Variants in COL24A1 observed in about 807,000 individuals in gnomAD.
The protein encoded by COL24A1 is collagen alpha-1(XXIV) chain.
A neutral mutation model predicts 253.9 loss-of-function variants in COL24A1; 224 were observed. The observed-to-expected ratio is 0.88, with a 90% CI of 0.79 to 0.99. COL24A1 has a LOEUF of 0.99. COL24A1 is among the 50% of genes least tolerant of loss of function. The pLI, the probability that COL24A1 is intolerant of heterozygous loss-of-function variation, is 0.00. For synonymous variants in COL24A1, 685 were observed against 673.7 expected (o/e 1.02, Z -0.26); for missense variants, 2,131 against 2,068.5 (o/e 1.03, Z -0.59).
At chr1:85,786,796 T>C (rs1460553541) in intron 47 of COL24A1, among the ~76,000 whole-genome samples, 1 of 152,230 alleles carries the variant, frequency 6.6e-6, no homozygotes, top group African/African-American at 2.4e-5. Context: ...TACTCTGGTG[T>C]ACATGGCAAC....
At chr1:85,948,396 C>T (rs1009788889) in intron 24 of COL24A1, among the ~76,000 whole-genome samples, 3 of 150,574 alleles carry the variant, frequency 2.0e-5, no homozygotes, top group East Asian at 2.0e-4. Context: ...TGGTAGCGGG[C>T]GCCTGTAGTC....
intron 5 of COL24A1, among the ~76,000 whole-genome samples, chr1:86,108,212 A>C (rs1178503651): frequency 6.6e-6 from 1 of 152,134 alleles, no homozygotes; most frequent in African/African-American, 2.4e-5. Context: ...TTCTGGGTAC[A>C]TGTGATAAAT....
At chr1:86,123,684 AT>A (rs1336412639) in intron 3 of COL24A1, among the ~76,000 whole-genome samples, 1 of 152,026 alleles carries the variant, frequency 6.6e-6, no homozygotes, top group Non-Finnish European at 1.5e-5. Flanking sequence ...GCTTAATATT[AT>A]ATGTCCAGTG....
intron 21 of COL24A1, 42 bp downstream of exon 21, chr1:85,971,298 A>C: frequency 6.3e-7 from 1 of 1,575,466 alleles, no homozygotes; most frequent in African/African-American, 1.4e-5. Context: ...AATTTTAACT[A>C]AAAACCTTGC....
In COL24A1 at chr1:86,050,141, C is replaced by T. The variant is rs746451827; in HGVS notation, c.1888G>A (p.Gly630Arg). 1 of 1,613,302 alleles carries T rather than the reference C, an allele frequency of 6.2e-7. No individual in the cohort carries two copies. Among genetic ancestry groups the T allele is most frequent in the South Asian group, 1.1e-5 (1 of 91,034 alleles). ...IGSPGEAGQLGPEGERGIPGI... is the reference protein window; with the variant it reads ...IGSPGEAGQLRPEGERGIPGI... ...GGACTTACCCGTTCTCCTTCAGGTC[C>T]CAGTTGTCCCGCTTCTCCAGGAGAG... is the stretch of plus-strand genomic sequence containing the variant. Residue 630 changes from glycine to arginine, a missense_variant, in exon 11 of 60, where the codon GGA (glycine) becomes AGA (arginine). Transcript: ENST00000370571.
At chr1:85,857,244 C>T (rs940765929) in intron 37 of COL24A1, among the ~76,000 whole-genome samples, 7 of 151,822 alleles carry the variant, frequency 4.6e-5, no homozygotes, top group Admixed American at 3.9e-4. Flanking sequence ...CTCTTCGATT[C>T]CTATATGATG....
chr1:85,879,244 AGGGTGTGTGT>A (rs548843735), intron 32 of COL24A1, among the ~76,000 whole-genome samples: 1 of 99,384 alleles, frequency 1.0e-5, no homozygotes, highest in African/African-American at 4.2e-5. Flanking sequence ...ATTCATTTTG[AGGGTGTGTGT>A]GTGTGTGTGT....
chr1:86,094,613 C>A (rs55729234), intron 5 of COL24A1, among the ~76,000 whole-genome samples: 1 of 151,766 alleles, frequency 6.6e-6, no homozygotes, highest in Admixed American at 6.6e-5. Context: ...CACATGTACC[C>A]CTGAACTTCA....
chr1:85,926,904 G>A (rs1218711489), intron 24 of COL24A1, among the ~76,000 whole-genome samples: 1 of 152,120 alleles, frequency 6.6e-6, no homozygotes. Flanking sequence ...AAAGTTTCAA[G>A]AAGAGAGAAA....
rs1557730052 is a variant in COL24A1 at position 86,125,771 on chromosome 1, C to T, written c.565G>A (p.Glu189Lys). ...AAGGTCTGAACTTCTGGAATAGTCT[C>T]TGTGCTAAAATATTTCTTTCCACAC... is the stretch of plus-strand genomic sequence containing the variant. ...VECGKKYFSTETIPEVQTFDS... is the reference protein window; with the variant it reads ...VECGKKYFSTKTIPEVQTFDS... The change falls in exon 3 of 60, where the codon GAG becomes AAG. Residue 189 changes from glutamate to lysine, a missense_variant. Glu to Lys is a moderately conservative substitution (Grantham distance 56). Coordinates refer to ENST00000370571, the MANE Select transcript of COL24A1 (RefSeq NM_152890.7). 1.2e-6 allele frequency: 2 copies of T among 1,612,482 alleles called. No homozygotes were observed. The highest frequency in any genetic ancestry group is 3.3e-5 in the Admixed American group (2 of 59,766).
At chr1:85,916,257 G>A (rs1371984697) in intron 24 of COL24A1, among the ~76,000 whole-genome samples, 1 of 152,004 alleles carries the variant, frequency 6.6e-6, no homozygotes, top group African/African-American at 2.4e-5. Context: ...CTTATACATG[G>A]CCCATTTTAC....
intron 37 of COL24A1, among the ~76,000 whole-genome samples, chr1:85,863,644 T>C (rs1010839141): frequency 6.6e-6 from 1 of 151,994 alleles, no homozygotes; most frequent in Non-Finnish European, 1.5e-5. Flanking sequence ...ATTTTTGCAA[T>C]CTACTCATCT....
chr1:85,874,973 T>C (rs1006047617), intron 34 of COL24A1, among the ~76,000 whole-genome samples: 1 of 152,178 alleles, frequency 6.6e-6, no homozygotes, highest in East Asian at 1.9e-4. Flanking sequence ...GGGATCTGGG[T>C]TGCTCAGTCC....
chr1:85,821,058 C>G (rs992945226), intron 45 of COL24A1, among the ~76,000 whole-genome samples: 5 of 151,968 alleles, frequency 3.3e-5, no homozygotes, highest in Admixed American at 3.3e-4. Flanking sequence ...TCTTTTTTCA[C>G]CAAGAAATTT....
chr1:85,974,412 T>G (rs944239926), intron 20 of COL24A1, among the ~76,000 whole-genome samples: 6 of 152,078 alleles, frequency 3.9e-5, no homozygotes, highest in African/African-American at 1.4e-4. Flanking sequence ...AAATTAAGAA[T>G]GAACCTATAA....
chr1:85,801,038 G>A (rs148418484), intron 47 of COL24A1, among the ~76,000 whole-genome samples: 2 of 152,104 alleles, frequency 1.3e-5, no homozygotes, highest in African/African-American at 2.4e-5. Context: ...ACAGTTTCTC[G>A]AGATTATTAG....
At chr1:85,938,166 T>C (rs1292953762) in intron 24 of COL24A1, among the ~76,000 whole-genome samples, 1 of 147,398 alleles carries the variant, frequency 6.8e-6, no homozygotes, top group Non-Finnish European at 1.5e-5. Flanking sequence ...ATTTATATGG[T>C]ACTGGGTCTC....
intron 1 of COL24A1, among the ~76,000 whole-genome samples, chr1:86,148,343 C>T (rs1652208056): frequency 6.6e-6 from 1 of 151,900 alleles, no homozygotes; most frequent in South Asian, 2.1e-4. Context: ...TGCCACCACA[C>T]CCGGCTAATT....
intron 43 of COL24A1, among the ~76,000 whole-genome samples, chr1:85,826,226 G>C (rs1160427829): frequency 7.0e-6 from 1 of 143,130 alleles, no homozygotes; most frequent in East Asian, 2.1e-4. Context: ...TCAAAGATCA[G>C]ATAGTTGTAG....
Sources: allele counts gnomAD v4.1 joint callset (sites outside exome capture counted in the v4.1 genomes callset), GRCh38; gene constraint gnomAD v4.1.1; transcripts MANE v1.5; gene names NCBI Gene and HGNC (gene_info 2026-07-23, HGNC 2026-07-21).